The following RIMS2 variants were observed in gnomAD, a reference collection of about 807,000 sequenced individuals.
RIMS2 encodes the protein regulating synaptic membrane exocytosis protein 2.
RIMS2 carries 59 observed loss-of-function variants against 174.4 expected under a neutral mutation model. That is an observed-to-expected ratio of 0.34 (90% confidence interval 0.27 to 0.42). The LOEUF (loss-of-function observed/expected upper bound fraction) is 0.42, where lower values mean the gene tolerates loss of function less well. Ranked by LOEUF, RIMS2 falls within the 10% of genes least tolerant of loss-of-function variation. RIMS2 has a pLI of 1.00. For synonymous variants in RIMS2, 606 were observed against 572.5 expected (o/e 1.06, Z -0.84); for missense variants, 1,620 against 1,666.3 (o/e 0.97, Z 0.48).
chr8:103,757,879 A>G (rs1285524536), intron 2 of RIMS2, among the ~76,000 whole-genome samples: 1 of 152,216 alleles, frequency 6.6e-6, no homozygotes, highest in African/African-American at 2.4e-5. Context: ...ACTCACCAGA[A>G]GCTGATTGCC....
intron 1 of RIMS2, among the ~76,000 whole-genome samples, chr8:103,646,592 C>T (rs1340086351): frequency 3.3e-5 from 5 of 152,060 alleles, no homozygotes; most frequent in Admixed American, 1.3e-4. Context: ...CCCCATGTGT[C>T]CATGTGTCCA....
chr8:103,570,696 A>G (rs755042045), intron 1 of RIMS2, among the ~76,000 whole-genome samples: 1 of 152,158 alleles, frequency 6.6e-6, no homozygotes, highest in Non-Finnish European at 1.5e-5. Context: ...TAATGTTTCT[A>G]CCTGCAAATC....
intron 1 of RIMS2, among the ~76,000 whole-genome samples, chr8:103,608,672 T>A (rs191296420): frequency 6.6e-6 from 1 of 151,868 alleles, no homozygotes; most frequent in African/African-American, 2.4e-5. Flanking sequence ...CTCTGAGCCA[T>A]GTGCAGGATA....
intron 19 of RIMS2, among the ~76,000 whole-genome samples, chr8:104,231,151 C>T (rs990185604): frequency 7.2e-5 from 11 of 152,074 alleles, no homozygotes; most frequent in African/African-American, 2.7e-4. Flanking sequence ...CGTGAGCTCA[C>T]CTTTGAAGTG....
chr8:104,148,752 A>C lies in RIMS2; in HGVS notation c.3335-96164A>C, dbSNP rs78777017. ...CACTGCAGTGGGCACCTTGGGCACC[A>C]GTGGCAAAAAGCGGCGCTCTAGCCT... is the stretch of plus-strand genomic sequence containing the variant. On this transcript the variant is annotated intron_variant, in intron 19 of 23. Transcript: ENST00000504942. The C allele has an allele frequency of 3.8e-6, 6 of 1,598,448 alleles. No homozygotes were observed. The East Asian group carries it at 1.3e-4, about 36-fold the overall frequency.
At chr8:104,072,762 ATCT>A (rs766473510) in intron 19 of RIMS2, among the ~76,000 whole-genome samples, 3 of 152,210 alleles carry the variant, frequency 2.0e-5, no homozygotes, top group Non-Finnish European at 4.4e-5. Flanking sequence ...ATTTAAAGAA[ATCT>A]TCTTAGTAAC....
chr8:103,603,146 C>A (rs532012668), intron 1 of RIMS2, among the ~76,000 whole-genome samples: 3 of 111,166 alleles, frequency 2.7e-5, no homozygotes, highest in East Asian at 3.3e-4. Context: ...ATCCCTCCCC[C>A]CTCCCCCCAC....
chr8:103,964,995 A>G (rs1023367319), intron 15 of RIMS2, among the ~76,000 whole-genome samples: 8 of 152,148 alleles, frequency 5.3e-5, no homozygotes, highest in South Asian at 2.1e-4. Context: ...TAGGCTGTCT[A>G]TATGTTCCAT....
At chr8:103,794,449 C>G (rs2098532547) in intron 3 of RIMS2, among the ~76,000 whole-genome samples, 1 of 152,184 alleles carries the variant, frequency 6.6e-6, no homozygotes, top group Non-Finnish European at 1.5e-5. Context: ...GGATTAAAGA[C>G]TTAAATGTTA....
chr8:104,147,475 C>CT lies in RIMS2; in HGVS notation c.3335-97431dup, dbSNP rs891342344. Reference sequence around the variant, plus strand: ...AGATTTTACTCTAGGATAGAAAACACTTTTTTTTTTCTGGAAGACAAAGAT... The same window carrying CT: ...AGATTTTACTCTAGGATAGAAAACACTTTTTTTTTTTCTGGAAGACAAAGAT... On this transcript the variant is annotated intron_variant, in intron 19 of 23. Coordinates refer to ENST00000504942, the Ensembl canonical transcript of RIMS2. 7.1e-4 allele frequency among the ~76,000 whole-genome samples: 107 copies of CT among 149,746 alleles called. 1 individual carries two copies. Among genetic ancestry groups the CT allele is most frequent in the Middle Eastern group, 3.5e-3 (1 of 288 alleles).
At chr8:103,787,593 A>G (rs1002468527) in intron 3 of RIMS2, among the ~76,000 whole-genome samples, 5 of 152,232 alleles carry the variant, frequency 3.3e-5, no homozygotes, top group Admixed American at 1.3e-4. Flanking sequence ...AATGTTGAAT[A>G]TTGGCCCCTA....
At chr8:104,146,507 A>G (rs2098641291) in intron 19 of RIMS2, among the ~76,000 whole-genome samples, 2 of 152,160 alleles carry the variant, frequency 1.3e-5, no homozygotes, top group African/African-American at 4.8e-5. Context: ...CTGCAAAATG[A>G]TGTATCAGTT....
At chr8:103,739,721 A>G (rs1304286896) in intron 2 of RIMS2, among the ~76,000 whole-genome samples, 2 of 152,194 alleles carry the variant, frequency 1.3e-5, no homozygotes, top group South Asian at 2.1e-4. Context: ...GAGTAGTTCA[A>G]TTAGATATTG....
chr8:104,202,048 T>C (rs1170523982), intron 19 of RIMS2, among the ~76,000 whole-genome samples: 1 of 152,192 alleles, frequency 6.6e-6, no homozygotes, highest in Non-Finnish European at 1.5e-5. Context: ...GAGCTGATCA[T>C]TGTGGTAGGC....
At chr8:103,615,732 T>C (rs926762503) in intron 1 of RIMS2, among the ~76,000 whole-genome samples, 10 of 152,146 alleles carry the variant, frequency 6.6e-5, no homozygotes, top group African/African-American at 2.4e-4. Flanking sequence ...CATCAGAAAC[T>C]ACTACAAACA....
rs191594333 is a variant in RIMS2 at position 103,584,058 on chromosome 8, G to A, written c.176+82996G>A. ...TCAAGGCATTTAATAAACTCCCAAA[G>A]GTCAAGGATAAAGAAAGGATCCGAA... On this transcript the variant is annotated intron_variant, in intron 1 of 23. Transcript: ENST00000504942. Among the ~76,000 whole-genome samples, 944 of 152,094 alleles carry A rather than the reference G, an allele frequency of 6.2e-3. 13 individuals are homozygous for A. Among genetic ancestry groups the A allele is most frequent in the African/African-American group, 0.021 (892 of 41,502 alleles).
intron 10 of RIMS2, among the ~76,000 whole-genome samples, chr8:103,924,226 G>T (rs1302451703): frequency 6.6e-6 from 1 of 151,564 alleles, no homozygotes; most frequent in African/African-American, 2.4e-5. Flanking sequence ...CTTCAGAAAT[G>T]ATTTTACCTA....
chr8:104,045,729 T>C (rs2096682609), intron 19 of RIMS2, among the ~76,000 whole-genome samples: 1 of 151,858 alleles, frequency 6.6e-6, no homozygotes, highest in Non-Finnish European at 1.5e-5. Context: ...ATTATTAAAT[T>C]ATTATTACAG....
intron 19 of RIMS2, among the ~76,000 whole-genome samples, chr8:104,034,088 G>GA (rs2154556642): frequency 6.6e-6 from 1 of 152,268 alleles, no homozygotes; most frequent in African/African-American, 2.4e-5. Flanking sequence ...TGTGGCATCA[G>GA]AAAAACTGTA....
Sources: gnomAD v4.1 joint callset for allele counts (sites outside exome capture counted in the v4.1 genomes callset) on GRCh38, gnomAD v4.1.1 for gene constraint, MANE v1.5 for transcripts, NCBI Gene and HGNC (gene_info 2026-07-23, HGNC 2026-07-21) for gene names.